Variants in CFAP46 observed in about 807,000 individuals in gnomAD.
CFAP46 encodes cilia and flagella associated protein 46, also known as cilia- and flagella-associated protein 46.
A neutral mutation model predicts 325.7 loss-of-function variants in CFAP46; 245 were observed. That is an observed-to-expected ratio of 0.75 (90% CI 0.68 to 0.84). The LOEUF (loss-of-function observed/expected upper bound fraction) is 0.84, where lower values mean the gene tolerates loss of function less well. CFAP46 is among the 40% of genes least tolerant of loss of function. The probability of loss-of-function intolerance (pLI) is 0.00; values close to 1 mark genes in which losing one functional copy is unlikely to be tolerated. For synonymous variants in CFAP46, 1,523 were observed against 1,495.9 expected (o/e 1.02, Z -0.42); for missense variants, 3,346 against 3,543.0 (o/e 0.94, Z 1.41).
At chr10:132,895,066 T>C (rs1239942662) in intron 24 of CFAP46, among the ~76,000 whole-genome samples, 1 of 152,058 alleles carries the variant, frequency 6.6e-6, no homozygotes, top group African/African-American at 2.4e-5. Context: ...CCACAAAAGA[T>C]TAGCAAATGA....
In CFAP46 at chr10:132,851,305, A is replaced by G. The variant is rs557289097; in HGVS notation, c.5575T>C (p.Leu1859=). Reference sequence around the variant, plus strand: ...ATCAGGGGCGTGTTGACGTTCTGCAACTGAGGGGGTCAGGCATGCCTCTGA... The same window carrying G: ...ATCAGGGGCGTGTTGACGTTCTGCAGCTGAGGGGGTCAGGCATGCCTCTGA... ...SVQGLLSLQD[L]QNVNTPLMRK... The change falls in exon 40 of 58, where the codon TTG becomes CTG. Residue 1859 remains leucine, a splice_region_variant and synonymous_variant. Transcript: ENST00000368586. 5.6e-6 allele frequency: 9 copies of G among 1,613,072 alleles called. No homozygotes were observed. The Admixed American group carries it at 6.7e-5, about 12-fold the overall frequency.
chr10:132,837,909 A>G (rs1277337690), intron 44 of CFAP46, among the ~76,000 whole-genome samples: 11 of 75,014 alleles, frequency 1.5e-4, no homozygotes, highest in Admixed American at 3.0e-4. Flanking sequence ...ATGAACACAT[A>G]CACGGACCCA....
At chr10:132,928,813 G>A (rs1189854111) in intron 9 of CFAP46, among the ~76,000 whole-genome samples, 1 of 152,204 alleles carries the variant, frequency 6.6e-6, no homozygotes, top group Non-Finnish European at 1.5e-5. Flanking sequence ...GCCTGTCACA[G>A]TTCCTGAAAG....
Position 132,808,496 on chromosome 10 carries a change from G to A in CFAP46, c.8073C>T (p.Gly2691=), listed in dbSNP as rs1411035913. The part of the protein sequence containing the change: ...CVSSRGQDKG[G]LPLAALVLSC... ...TCAGCACCAGCGCCGCCAAGGGGAG[G>A]CCGCCCTTGTCCTGGCCCCGGGAAG... The change falls in exon 58 of 58, where the codon GGC becomes GGT. Residue 2691 remains glycine (G), a synonymous_variant. Transcript: ENST00000368586. The surrounding 1 kb of genome is among the most constrained non-coding windows in gnomAD (Gnocchi z 6.8). The A allele has an allele frequency of 3.7e-6, 6 of 1,613,072 alleles. No homozygotes were observed. The highest frequency in any genetic ancestry group is 1.3e-5 in the African/African-American group (1 of 74,932).
At chr10:132,821,548 T>A in intron 50 of CFAP46, among the ~76,000 whole-genome samples, 1 of 138,534 alleles carries the variant, frequency 7.2e-6, no homozygotes. Context: ...ATGTGTGCTG[T>A]GTGCTGACGT....
At chr10:132,934,660 G>T in intron 8 of CFAP46, 92 bp downstream of exon 8, 2 of 880,688 alleles carry the variant, frequency 2.3e-6, no homozygotes, top group Non-Finnish European at 3.6e-6. Flanking sequence ...GGTTCTAGTT[G>T]CTTGTTTTAC....
In CFAP46 at chr10:132,862,027, C is replaced by T. The variant is rs138892495; in HGVS notation, c.4891-1045G>A. ...TGCCCCTGCCCGACACAGGATCCAC[C>T]TGGACGCCACAGCCTGCATGCACCT... On this transcript the variant is annotated intron_variant, in intron 35 of 57. Coordinates refer to ENST00000368586, the MANE Select transcript of CFAP46 (RefSeq NM_001200049.3). Among the ~76,000 whole-genome samples, 1,408 of 152,364 alleles carry T rather than the reference C, an allele frequency of 9.2e-3. 12 individuals are homozygous for T. Among genetic ancestry groups the T allele is most frequent in the South Asian group, 0.043 (210 of 4,830 alleles).
intron 3 of CFAP46, 26 bp from the exon 4 acceptor site, chr10:132,941,086 T>C (rs1180327811): frequency 6.2e-7 from 1 of 1,612,768 alleles, no homozygotes; most frequent in South Asian, 1.1e-5. Context: ...GAAGCACAAT[T>C]AGACCGAAAT....
chr10:132,858,259 G>A (rs1361948306), intron 38 of CFAP46, among the ~76,000 whole-genome samples: 1 of 151,686 alleles, frequency 6.6e-6, no homozygotes, highest in Non-Finnish European at 1.5e-5. Flanking sequence ...AGTGGGCAGG[G>A]CCAGGGAGGC....
chr10:132,881,919 G>A (rs1849048921), intron 27 of CFAP46, among the ~76,000 whole-genome samples: 1 of 152,266 alleles, frequency 6.6e-6, no homozygotes, highest in Non-Finnish European at 1.5e-5. Context: ...TGCATCAGCT[G>A]TCACAAGCAG....
intron 55 of CFAP46, among the ~76,000 whole-genome samples, chr10:132,811,797 C>A (rs1291896460): frequency 2.6e-5 from 4 of 152,240 alleles, no homozygotes; most frequent in Non-Finnish European, 4.4e-5. Context: ...ATGGCCAAGG[C>A]CCAGGCTTGC....
rs1850062672 is a variant in CFAP46 at position 132,939,308 on chromosome 10, T to TA, written c.372-556dup. Among the ~76,000 whole-genome samples the TA allele has an allele frequency of 6.6e-6, 1 of 152,172 alleles. No individual in the cohort carries two copies. The highest frequency in any genetic ancestry group is 1.5e-5 in the Non-Finnish European group (1 of 68,022). On this transcript the variant is annotated intron_variant, in intron 4 of 57. Transcript: ENST00000368586. The surrounding 1 kb of genome is among the most constrained non-coding windows in gnomAD (Gnocchi z 4.6). ...GAAACAAAGTTCCCGTCTGCCAGCA[T>TA]AGAGTGTGAAGTGGAGGAGGGTGGG... is the stretch of plus-strand genomic sequence containing the variant.
At chr10:132,912,420 C>T (rs1849558863) in intron 19 of CFAP46, among the ~76,000 whole-genome samples, 1 of 125,554 alleles carries the variant, frequency 8.0e-6, no homozygotes, top group Non-Finnish European at 1.7e-5. Context: ...GCTCATCTCT[C>T]TCTCTCACCT....
intron 44 of CFAP46, among the ~76,000 whole-genome samples, chr10:132,843,935 T>G (rs1459822195): frequency 7.1e-6 from 1 of 140,014 alleles, no homozygotes; most frequent in Non-Finnish European, 1.5e-5. Context: ...CAGGATGCTG[T>G]AAGGCTCTGG....
intron 3 of CFAP46, among the ~76,000 whole-genome samples, 193 bp from the exon 4 acceptor site, chr10:132,941,253 C>T (rs910101101): frequency 2.0e-5 from 3 of 152,190 alleles, no homozygotes; most frequent in Admixed American, 6.5e-5. Context: ...GGGTTCCCGT[C>T]CCGCAGACAC....
chr10:132,839,527 T>C (rs1158095315), intron 44 of CFAP46, among the ~76,000 whole-genome samples: 3 of 152,204 alleles, frequency 2.0e-5, no homozygotes, highest in East Asian at 3.9e-4. Flanking sequence ...TCTTTCTACA[T>C]GTTATTTCTT....
In CFAP46 at chr10:132,810,962, A is replaced by G. The variant is rs2134746011; in HGVS notation, c.7571T>C (p.Val2524Ala). The part of the protein sequence containing the change: ...YQSLKRHMES[V>A]EHRRSVGRWE... ...GGCAGCCAGGCACCTCCTGTGCTCC[A>G]CGCTCTCCATGTGCCTCTTCAAGCT... is the stretch of plus-strand genomic sequence containing the variant. The change falls in exon 56 of 58, where the codon GTG becomes GCG. Residue 2524 changes from valine to alanine, a missense_variant. Physicochemically the swap from Val to Ala is moderately conservative, Grantham distance 64 (BLOSUM62 0). Coordinates refer to ENST00000368586, the MANE Select transcript of CFAP46 (RefSeq NM_001200049.3). The G allele has an allele frequency of 1.2e-6, 2 of 1,602,772 alleles. No individual in the cohort carries two copies. The highest frequency in any genetic ancestry group is 1.7e-6 in the Non-Finnish European group (2 of 1,174,670).
Position 132,814,900 on chromosome 10 carries a change from T to C in CFAP46, c.7132A>G (p.Lys2378Glu). 1 of 1,614,102 alleles carries C rather than the reference T, an allele frequency of 6.2e-7. No homozygotes were observed. The highest frequency in any genetic ancestry group is 1.3e-5 in the African/African-American group (1 of 75,000). The change falls in exon 51 of 58, where the codon AAG becomes GAG. Residue 2378 changes from lysine (K) to glutamate (E), a missense_variant. Lys to Glu is a moderately conservative substitution (Grantham distance 56, BLOSUM62 1). Coordinates refer to ENST00000368586, the MANE Select transcript of CFAP46 (RefSeq NM_001200049.3). The stretch of plus-strand genomic sequence containing the variant: ...TTGGGGTCTCTGCTTCTTCCCTCCT[T>C]TTTCACGCCACCTTCTGTTGAAGAC... ...HKEETEGGVKKEGRSRDPKKR... is the reference protein window; with the variant it reads ...HKEETEGGVKEEGRSRDPKKR...
At chr10:132,831,828 A>T (rs1295167593) in intron 50 of CFAP46, among the ~76,000 whole-genome samples, 1 of 149,722 alleles carries the variant, frequency 6.7e-6, no homozygotes, top group Non-Finnish European at 1.5e-5. Context: ...GTTTTTTTGG[A>T]TTAAGGGTAT....
Sources: allele counts gnomAD v4.1 joint callset (sites outside exome capture counted in the v4.1 genomes callset), GRCh38; gene constraint gnomAD v4.1.1; non-coding constraint Gnocchi (gnomAD v3.1); transcripts MANE v1.5; gene names NCBI Gene and HGNC (gene_info 2026-07-23, HGNC 2026-07-21).